XDH: variants seen among roughly 807,000 people sequenced by gnomAD.
The protein encoded by XDH is xanthine dehydrogenase/oxidase.
XDH carries 138 observed loss-of-function variants against 156.1 expected under a neutral mutation model. The ratio of observed to expected loss-of-function variants is 0.88; its 90% confidence interval spans 0.77 to 1.02. The LOEUF (loss-of-function observed/expected upper bound fraction) is 1.02, where lower values mean the gene tolerates loss of function less well. XDH is among the 50% of genes least tolerant of loss of function. XDH has a pLI of 0.00. For synonymous variants in XDH, 669 were observed against 625.7 expected (o/e 1.07, Z -1.03); for missense variants, 1,849 against 1,684.9 (o/e 1.10, Z -1.71).
chr2:31,365,664 T>C (rs1049140037), intron 22 of XDH, 120 bp from the exon 23 acceptor site: 1 of 1,216,476 alleles, frequency 8.2e-7, no homozygotes, highest in Non-Finnish European at 1.2e-6. Context: ...AGCAGACCTG[T>C]ACAGGGCTGC....
chr2:31,335,783 A>C lies in XDH; in HGVS notation c.*175T>G. On this transcript the variant is annotated 3_prime_UTR_variant, in exon 36 of 36. Transcript: ENST00000379416. ...GAATTTGCTTATCATTGTGTTTACA[A>C]ATTACATTTTTGATCAAAATCTTCC... 1.4e-6 allele frequency: 1 copy of C among 727,820 alleles called. No homozygotes were observed. 45.1% of individuals were successfully genotyped at this position (727,820 alleles called of 1,614,324 possible).
At chr2:31,394,320 T>C (rs1394791063) in intron 6 of XDH, among the ~76,000 whole-genome samples, 1 of 152,198 alleles carries the variant, frequency 6.6e-6, no homozygotes, top group Admixed American at 6.5e-5. Flanking sequence ...TGGTTTTTTC[T>C]TTCAATACTT....
At chr2:31,366,728 T>A in intron 21 of XDH, 142 bp downstream of exon 21, 2 of 1,321,976 alleles carry the variant, frequency 1.5e-6, no homozygotes, top group Non-Finnish European at 2.1e-6. Flanking sequence ...GGTGAAAGAG[T>A]CTGGCTCCAG....
chr2:31,351,776 C>A (rs1170306425), intron 24 of XDH, among the ~76,000 whole-genome samples: 2 of 152,154 alleles, frequency 1.3e-5, no homozygotes, highest in African/African-American at 4.8e-5. Flanking sequence ...ATATAGAATC[C>A]TAATTTGGAA....
intron 3 of XDH, 139 bp downstream of exon 3, chr2:31,402,909 C>G (rs1380190490): frequency 1.1e-6 from 1 of 895,432 alleles, no homozygotes; most frequent in Non-Finnish European, 1.8e-6. Context: ...CTACAGTTTT[C>G]CTGTGCACAG....
chr2:31,341,470 C>T, intron 32 of XDH, 76 bp from the exon 33 acceptor site: 1 of 1,449,106 alleles, frequency 6.9e-7, no homozygotes, highest in South Asian at 1.2e-5. Context: ...CTCATAGTGA[C>T]CCTCAGACTA....
chr2:31,349,452 G>A (rs371448559), intron 26 of XDH, among the ~76,000 whole-genome samples: 12 of 152,076 alleles, frequency 7.9e-5, no homozygotes, highest in South Asian at 2.1e-4. Flanking sequence ...GTTTACAAAC[G>A]CGTAAAGATG....
At chr2:31,365,368 G>A in intron 23 of XDH, 89 bp downstream of exon 23, 2 of 1,365,348 alleles carry the variant, frequency 1.5e-6, no homozygotes, top group Non-Finnish European at 2.1e-6. Flanking sequence ...CAAAAAGTAG[G>A]AGTGCAGCTC....
chr2:31,352,884 C>G (rs1459385852), intron 24 of XDH, among the ~76,000 whole-genome samples: 1 of 77,152 alleles, frequency 1.3e-5, no homozygotes, highest in African/African-American at 4.9e-5. Context: ...AAAACTTTAA[C>G]CTTTTTTTTT....
At chr2:31,362,590 G>A (rs547241952) in intron 24 of XDH, among the ~76,000 whole-genome samples, 48 of 152,242 alleles carry the variant, frequency 3.2e-4, no homozygotes, top group Non-Finnish European at 6.3e-4. Context: ...CAATTAGCTC[G>A]TCATAATTCC....
intron 1 of XDH, among the ~76,000 whole-genome samples, chr2:31,413,435 G>A (rs150095309): frequency 5.9e-5 from 9 of 152,238 alleles, no homozygotes; most frequent in African/African-American, 1.4e-4. Context: ...AGAAGAACAT[G>A]GCTGTCCCCA....
At chr2:31,364,911 C>T (rs1685867849) in intron 23 of XDH, among the ~76,000 whole-genome samples, 1 of 152,138 alleles carries the variant, frequency 6.6e-6, no homozygotes, top group Non-Finnish European at 1.5e-5. Context: ...TAGGCGGAGC[C>T]CCATAAGGCT....
At chr2:31,387,926 G>A (rs780135915) in intron 7 of XDH, 29 bp from the exon 8 acceptor site, 24 of 1,552,060 alleles carry the variant, frequency 1.5e-5, no homozygotes, top group Non-Finnish European at 2.1e-5. Context: ...GGTAGGTGAT[G>A]CAGTATCTCC....
At chr2:31,414,026 T>G (rs1483114155) in intron 1 of XDH, among the ~76,000 whole-genome samples, 4 of 151,870 alleles carry the variant, frequency 2.6e-5, no homozygotes, top group African/African-American at 9.7e-5. Flanking sequence ...TCACTGTGTG[T>G]GGGTGGGGAG....
At position 31,348,314 on chromosome 2, in the gene XDH, T is replaced by A. The variant is rs749826021; in HGVS notation, c.3101A>T (p.His1034Leu). 10 of 1,613,940 alleles carry A rather than the reference T, an allele frequency of 6.2e-6. No individual in the cohort carries two copies. The highest frequency in any genetic ancestry group is 8.5e-6 in the Non-Finnish European group (10 of 1,180,012). The change falls in exon 28 of 36, where the codon CAC becomes CTC. Residue 1034 changes from histidine to leucine, a missense_variant. His to Leu is a moderately conservative substitution (Grantham distance 99, BLOSUM62 -3). Coordinates refer to ENST00000379416, the MANE Select transcript of XDH (RefSeq NM_000379.4). ...VYTDGSVLLT[H>L]GGTEMGQGLH... is the part of the protein sequence containing the mutation. ...GCCTTGGCCCATCTCAGTCCCCCCG[T>A]GGGTCAGCAGCACAGAGCCATCTGT...
chr2:31,399,982 C>T (rs934172706), intron 4 of XDH, among the ~76,000 whole-genome samples: 7 of 152,252 alleles, frequency 4.6e-5, no homozygotes, highest in African/African-American at 1.7e-4. Context: ...AAATAACAAG[C>T]CTTAATTAAC....
chr2:31,340,241 C>A (rs45539633), intron 33 of XDH, among the ~76,000 whole-genome samples: 2,436 of 152,274 alleles, frequency 0.016, 63 homozygotes, highest in African/African-American at 0.055. Flanking sequence ...GAAAAGAAAC[C>A]GACTGGCAAT....
intron 30 of XDH, among the ~76,000 whole-genome samples, chr2:31,346,459 T>C (rs1396434956): frequency 1.3e-5 from 2 of 152,104 alleles, no homozygotes; most frequent in Admixed American, 6.5e-5. Context: ...GACAATCCGA[T>C]GAGGCATGTT....
chr2:31,363,654 G>T lies in XDH; in HGVS notation c.2631+504C>A, dbSNP rs986978386. Among the ~76,000 whole-genome samples the T allele has an allele frequency of 2.0e-5, 3 of 151,996 alleles. No homozygotes were observed. In the East Asian group the frequency reaches 5.8e-4, roughly 29 times the overall value. ...GAAACCATTTTTTAAAAAGCAATTCGAATTATTTAAAATTAAAACATCACA... is the reference window on the plus strand; with the variant it reads ...GAAACCATTTTTTAAAAAGCAATTCTAATTATTTAAAATTAAAACATCACA... On this transcript the variant is annotated intron_variant, in intron 24 of 35. Transcript: ENST00000379416.
Sources: allele counts gnomAD v4.1 joint callset (sites outside exome capture counted in the v4.1 genomes callset), GRCh38; gene constraint gnomAD v4.1.1; transcripts MANE v1.5; gene names NCBI Gene and HGNC (gene_info 2026-07-23, HGNC 2026-07-21).